The following NDUFA5 variants were observed in gnomAD, a reference collection of about 807,000 sequenced individuals.
NDUFA5 encodes the protein NADH dehydrogenase [ubiquinone] 1 alpha subcomplex subunit 5.
Under a neutral mutation model 19.8 loss-of-function variants are expected in NDUFA5, and 11 were observed. The ratio of observed to expected loss-of-function variants is 0.56; its 90% CI spans 0.35 to 0.92. The LOEUF is 0.92. NDUFA5 is among the 40% of genes least tolerant of loss of function. The pLI is 0.01. For synonymous variants in NDUFA5, 47 were observed against 46.8 expected (o/e 1.00, Z -0.01); for missense variants, 109 against 134.2 (o/e 0.81, Z 0.93).
At chr7:123,576,377 T>C in the NDUFA5 span, among the ~76,000 whole-genome samples, 2 of 152,124 alleles carry the variant, frequency 1.3e-5, no homozygotes, top group African/African-American at 2.4e-5. Flanking sequence ...AAATATATGA[T>C]CATAATTTTC....
the NDUFA5 span, among the ~76,000 whole-genome samples, chr7:123,588,088 G>C: frequency 4.0e-5 from 6 of 151,758 alleles, no homozygotes; most frequent in Non-Finnish European, 2.9e-5. Flanking sequence ...TCAACTTTTT[G>C]CAAGAGTTTG....
rs1371450471 is a variant in NDUFA5 at position 123,537,860 on chromosome 7, AAT to A, written c.*4257_*4258del. 1 of 152,172 alleles carries A rather than the reference AAT, an allele frequency of 6.6e-6. No individual in the cohort carries two copies. The highest frequency in any genetic ancestry group is 6.5e-5 in the Admixed American group (1 of 15,282). The allele number at this position is 152,172 out of a possible 1,614,324, so 9.4% of individuals were successfully genotyped here. A position where few individuals can be genotyped will look rare whatever the true frequency, so the allele number is the denominator to read the frequency against. On this transcript the variant is annotated 3_prime_UTR_variant, in exon 5 of 5. Transcript: ENST00000355749. ...AAAAATAGTTATCTTTAGAAAACCT[AAT>A]AGATTCACCTAAAAAAAAATTGAAG... is the stretch of plus-strand genomic sequence containing the variant.
chr7:123,577,797 G>C, the NDUFA5 span, among the ~76,000 whole-genome samples: 1 of 152,096 alleles, frequency 6.6e-6, no homozygotes, highest in Non-Finnish European at 1.5e-5. Flanking sequence ...AGGGTTGCAA[G>C]GACAGTTTCT....
chr7:123,538,243 A>C lies in NDUFA5; in HGVS notation c.*3876T>G, dbSNP rs1797811987. 6.6e-6 allele frequency: 1 copy of C among 152,198 alleles called. No individual in the cohort carries two copies. Among genetic ancestry groups the C allele is most frequent in the African/African-American group, 2.4e-5 (1 of 41,444 alleles). 9.4% of individuals were successfully genotyped at this position (152,198 alleles called of 1,614,324 possible). On this transcript the variant is annotated 3_prime_UTR_variant, in exon 5 of 5. Transcript: ENST00000355749. ...CCTTGCCAACCCTCCTTAGACATGC[A>C]GTATGAATAAAAAATACACTTAAGA...
At chr7:123,567,892 G>A in the NDUFA5 span, among the ~76,000 whole-genome samples, 1 of 151,874 alleles carries the variant, frequency 6.6e-6, no homozygotes, top group Non-Finnish European at 1.5e-5. Context: ...TCACTTGGAT[G>A]TTATCCATCT....
At chr7:123,587,157 G>A in the NDUFA5 span, among the ~76,000 whole-genome samples, 5 of 151,502 alleles carry the variant, frequency 3.3e-5, no homozygotes, top group African/African-American at 1.2e-4. Flanking sequence ...TCACTTTGTA[G>A]TGTGAACATT....
chr7:123,550,769 A>G (rs865912804), intron 2 of NDUFA5, among the ~76,000 whole-genome samples, 183 bp from the exon 3 acceptor site: 1 of 151,140 alleles, frequency 6.6e-6, no homozygotes, highest in African/African-American at 2.4e-5. Flanking sequence ...CACCCTTTAT[A>G]ACTTAGGAAA....
In NDUFA5 at chr7:123,542,223, G is replaced by C; in HGVS notation, c.250-3C>G. On this transcript the variant is annotated splice_region_variant and splice_polypyrimidine_tract_variant and intron_variant, in intron 4 of 4. Transcript: ENST00000355749. ...GCCAGATTTAGTTCATGTTCAGCCT[G>C]TTAATACAAATTTTTTAAAAGATCA... 6.2e-7 allele frequency: 1 copy of C among 1,601,918 alleles called. No individual in the cohort carries two copies. The highest frequency in any genetic ancestry group is 2.3e-5 in the East Asian group (1 of 44,412).
chr7:123,595,433 T>C, the NDUFA5 span, among the ~76,000 whole-genome samples: 1 of 152,228 alleles, frequency 6.6e-6, no homozygotes, highest in Admixed American at 6.5e-5. Flanking sequence ...GGTTATTCTT[T>C]GTGAAAGTTC....
chr7:123,572,785 T>C, the NDUFA5 span, among the ~76,000 whole-genome samples: 31,908 of 151,950 alleles, frequency 0.21, 3,539 homozygotes, highest in East Asian at 0.36. Flanking sequence ...AGATGAGTTT[T>C]ATACATTTGT....
the NDUFA5 span, among the ~76,000 whole-genome samples, chr7:123,591,573 T>C: frequency 1.9e-3 from 291 of 152,304 alleles, no homozygotes; most frequent in African/African-American, 6.6e-3. Context: ...GTTTTTGTTG[T>C]TGGTTCTGTT....
At chr7:123,587,224 C>T in the NDUFA5 span, among the ~76,000 whole-genome samples, 1 of 151,596 alleles carries the variant, frequency 6.6e-6, no homozygotes, top group African/African-American at 2.4e-5. Flanking sequence ...CAATGTCTTT[C>T]ATCATTGTTT....
chr7:123,545,339 A>T (rs1056555041), intron 4 of NDUFA5, among the ~76,000 whole-genome samples: 7 of 152,132 alleles, frequency 4.6e-5, no homozygotes, highest in African/African-American at 1.4e-4. Flanking sequence ...TACCAATTTA[A>T]ACTAAGGTTA....
chr7:123,571,343 G>A, the NDUFA5 span, among the ~76,000 whole-genome samples: 1 of 152,162 alleles, frequency 6.6e-6, no homozygotes, highest in Admixed American at 6.5e-5. Flanking sequence ...TTTAAAACAA[G>A]TGTAAGGTCA....
chr7:123,572,202 C>G, the NDUFA5 span, among the ~76,000 whole-genome samples: 20 of 126,732 alleles, frequency 1.6e-4, no homozygotes, highest in Non-Finnish European at 2.3e-4. Context: ...AGTGCAGTGA[C>G]GCGATCTTGC....
At position 123,542,202 on chromosome 7, in the gene NDUFA5, G is replaced by A. The variant is rs775954669; in HGVS notation, c.268C>T (p.Leu90=). 1 of 1,611,280 alleles carries A rather than the reference G, an allele frequency of 6.2e-7. No individual in the cohort carries two copies. Among genetic ancestry groups the A allele is most frequent in the Non-Finnish European group, 8.5e-7 (1 of 1,178,670 alleles). The change falls in exon 5 of 5, where the codon CTG becomes TTG. Residue 90 remains leucine, a synonymous_variant. Transcript: ENST00000355749. ...VILQAEHELN[L]ARKMREWKLW... is the part of the protein sequence containing the mutation. The stretch of plus-strand genomic sequence containing the variant: ...TTCCATTCCCTCATTTTTCTTGCCA[G>A]ATTTAGTTCATGTTCAGCCTGTTAA...
intron 2 of NDUFA5, among the ~76,000 whole-genome samples, chr7:123,552,623 C>T (rs1798390181): frequency 1.1e-5 from 1 of 92,446 alleles, no homozygotes; most frequent in East Asian, 3.4e-4. Flanking sequence ...TACCCCAGAA[C>T]TTAAAGTATA....
chr7:123,578,632 A>T, the NDUFA5 span, among the ~76,000 whole-genome samples: 1 of 151,792 alleles, frequency 6.6e-6, no homozygotes, highest in Non-Finnish European at 1.5e-5. Context: ...TACTCTTTTA[A>T]TATCTGAGCT....
chr7:123,573,715 A>G, the NDUFA5 span, among the ~76,000 whole-genome samples: 17 of 152,238 alleles, frequency 1.1e-4, no homozygotes, highest in African/African-American at 3.9e-4. Flanking sequence ...CCAGGAGTGG[A>G]GTAAATTTGG....
Sources: gnomAD v4.1 joint callset for allele counts (sites outside exome capture counted in the v4.1 genomes callset) on GRCh38, gnomAD v4.1.1 for gene constraint, MANE v1.5 for transcripts, NCBI Gene and HGNC (gene_info 2026-07-23, HGNC 2026-07-21) for gene names.